Variants in FNDC3A observed in about 807,000 individuals in gnomAD.
The protein encoded by FNDC3A is fibronectin type III domain containing 3A, also known as fibronectin type-III domain-containing protein 3A.
FNDC3A carries 32 observed loss-of-function variants against 148.9 expected under a neutral mutation model. The ratio of observed to expected loss-of-function variants is 0.21; its 90% CI spans 0.16 to 0.29. The LOEUF is 0.29. Among genes scored for constraint, FNDC3A ranks in the 10% least tolerant of loss-of-function variants. FNDC3A has a pLI of 1.00. For missense variants in FNDC3A, 1,191 were observed against 1,452.8 expected, an observed-to-expected ratio of 0.82 and a Z score of 2.93; for synonymous variants, 472 against 473.6, an observed-to-expected ratio of 1.00 and a Z score of 0.04.
intron 2 of FNDC3A, among the ~76,000 whole-genome samples, chr13:49,040,684 T>TA (rs1874857115): frequency 6.6e-6 from 1 of 152,236 alleles, no homozygotes; most frequent in South Asian, 2.1e-4. Flanking sequence ...ATTTAGTTTT[T>TA]AAAAGTCTAA....
Position 49,198,076 on chromosome 13 carries a change from T to A in FNDC3A, c.2585T>A (p.Ile862Lys). ...VPGIVTCLQE[I>K]SDDEIENPHY... ...GGCATTGTGACCTGTCTTCAAGAAA[T>A]AAGCGATGATGAGATAGAAAATCCC... The change falls in exon 22 of 26, where the codon ATA (isoleucine) becomes AAA (lysine). Residue 862 changes from isoleucine to lysine, a missense_variant. By Grantham distance (102) the Ile-to-Lys change is moderately radical (BLOSUM62 -3). Coordinates refer to ENST00000492622, the MANE Select transcript of FNDC3A (RefSeq NM_001079673.2). 6.2e-7 allele frequency: 1 copy of A among 1,614,136 alleles called. No homozygotes were observed. The highest frequency in any genetic ancestry group is 8.5e-7 in the Non-Finnish European group (1 of 1,180,006).
chr13:49,033,383 A>G (rs1346953478), intron 2 of FNDC3A, among the ~76,000 whole-genome samples: 1 of 152,168 alleles, frequency 6.6e-6, no homozygotes, highest in East Asian at 1.9e-4. Flanking sequence ...TGATGAGTGT[A>G]CTGGTAATCA....
chr13:49,187,293 T>G, intron 16 of FNDC3A, 103 bp downstream of exon 16: 1 of 1,001,072 alleles, frequency 1.0e-6, no homozygotes, highest in Non-Finnish European at 1.5e-6. Context: ...TTCTTGCTTT[T>G]CATAAGGTAC....
chr13:49,027,697 CAAAAG>C (rs1173669194), intron 2 of FNDC3A, among the ~76,000 whole-genome samples: 2 of 151,224 alleles, frequency 1.3e-5, no homozygotes, highest in Admixed American at 6.6e-5. Context: ...AAAAATAACT[CAAAAG>C]AATATTGTAA....
chr13:49,141,191 A>T (rs913767731), intron 7 of FNDC3A, among the ~76,000 whole-genome samples: 1 of 152,204 alleles, frequency 6.6e-6, no homozygotes, highest in African/African-American at 2.4e-5. Context: ...CAGAAAATGG[A>T]GAATAATGGT....
In FNDC3A at chr13:49,203,140, A is replaced by G. The variant is rs561985121; in HGVS notation, c.3155-17A>G. 1 of 1,543,486 alleles carries G rather than the reference A, an allele frequency of 6.5e-7. No individual in the cohort carries two copies. Among genetic ancestry groups the G allele is most frequent in the Admixed American group, 1.8e-5 (1 of 54,502 alleles). On this transcript the variant is annotated splice_polypyrimidine_tract_variant and intron_variant, in intron 24 of 25. Transcript: ENST00000492622. ...AAATCAAGTGGAACAGATATTATTT[A>G]TATTTGTTTCCTACAGCCCCCAAAA... is the stretch of plus-strand genomic sequence containing the variant.
At chr13:49,165,519 G>A (rs1438525912) in intron 8 of FNDC3A, among the ~76,000 whole-genome samples, 4 of 152,162 alleles carry the variant, frequency 2.6e-5, no homozygotes, top group African/African-American at 7.2e-5. Flanking sequence ...CTGGGGATGG[G>A]GATGTGAGGT....
At chr13:49,084,553 C>A (rs1878681669) in intron 3 of FNDC3A, among the ~76,000 whole-genome samples, 1 of 152,094 alleles carries the variant, frequency 6.6e-6, no homozygotes, top group African/African-American at 2.4e-5. Context: ...ACCAAAAATT[C>A]TGGGTTTATG....
chr13:49,187,661 G>C, intron 16 of FNDC3A: 2 of 1,590,652 alleles, frequency 1.3e-6, no homozygotes, highest in Non-Finnish European at 1.7e-6. Flanking sequence ...CGGATGCTCT[G>C]GCCCAACGTA....
chr13:49,150,881 G>A (rs1883248927), intron 8 of FNDC3A, among the ~76,000 whole-genome samples: 1 of 148,864 alleles, frequency 6.7e-6, no homozygotes, highest in South Asian at 2.1e-4. Flanking sequence ...GGAGACAGAG[G>A]TTGCAGTGAG....
intron 3 of FNDC3A, among the ~76,000 whole-genome samples, chr13:49,087,941 G>T (rs1878921039): frequency 6.6e-6 from 1 of 152,044 alleles, no homozygotes; most frequent in South Asian, 2.1e-4. Context: ...TAGAAGAAAG[G>T]TGTTGCTATC....
intron 4 of FNDC3A, among the ~76,000 whole-genome samples, chr13:49,126,920 T>C (rs1002091813): frequency 6.6e-6 from 1 of 152,212 alleles, no homozygotes; most frequent in African/African-American, 2.4e-5. Context: ...GTAGAAATTA[T>C]AGGAGAGAGA....
chr13:49,135,337 G>A (rs922414118), intron 5 of FNDC3A, among the ~76,000 whole-genome samples: 2 of 151,966 alleles, frequency 1.3e-5, no homozygotes, highest in African/African-American at 2.4e-5. Flanking sequence ...GTATCCTTTA[G>A]TGCAGAAAAG....
At chr13:49,094,321 A>G (rs1009709552) in intron 3 of FNDC3A, among the ~76,000 whole-genome samples, 1 of 152,130 alleles carries the variant, frequency 6.6e-6, no homozygotes, top group Admixed American at 6.6e-5. Flanking sequence ...TGAAAACCAG[A>G]AGGCTTTTCC....
At chr13:49,033,911 G>T (rs544813249) in intron 2 of FNDC3A, among the ~76,000 whole-genome samples, 434 of 151,842 alleles carry the variant, frequency 2.9e-3, no homozygotes, top group Non-Finnish European at 5.3e-3. Context: ...AATAGTTATA[G>T]ATTAGTTTTG....
chr13:49,144,702 A>G (rs1044851756), intron 7 of FNDC3A, among the ~76,000 whole-genome samples: 5 of 152,184 alleles, frequency 3.3e-5, no homozygotes, highest in African/African-American at 1.2e-4. Context: ...TTGAAACCAC[A>G]TGTTTTTTTC....
intron 2 of FNDC3A, among the ~76,000 whole-genome samples, chr13:49,042,127 A>C (rs1874983025): frequency 6.6e-6 from 1 of 152,122 alleles, no homozygotes. Context: ...ATCTTGGGAG[A>C]AGAGCCATAA....
intron 1 of FNDC3A, among the ~76,000 whole-genome samples, chr13:48,979,719 G>A (rs948373843): frequency 3.9e-5 from 6 of 152,074 alleles, no homozygotes; most frequent in Non-Finnish European, 7.4e-5. Context: ...TTGTTTGTAT[G>A]GCTTAGGTCA....
intron 2 of FNDC3A, among the ~76,000 whole-genome samples, chr13:49,022,145 G>A (rs573557582): frequency 6.6e-6 from 1 of 152,218 alleles, no homozygotes; most frequent in South Asian, 2.1e-4. Flanking sequence ...GTTGATACAT[G>A]TTAAGCTTTC....
Sources: gnomAD v4.1 joint callset for allele counts (sites outside exome capture counted in the v4.1 genomes callset) on GRCh38, gnomAD v4.1.1 for gene constraint, MANE v1.5 for transcripts, NCBI Gene and HGNC (gene_info 2026-07-23, HGNC 2026-07-21) for gene names.